OPCML: variants seen among roughly 807,000 people sequenced by gnomAD.
The protein encoded by OPCML is opioid binding protein/cell adhesion molecule like.
Under a neutral mutation model 37.8 loss-of-function variants are expected in OPCML, and 13 were observed. That is an observed-to-expected ratio of 0.34 (90% CI 0.22 to 0.55). OPCML has a LOEUF of 0.55. Among genes scored for constraint, OPCML ranks in the 20% least tolerant of loss-of-function variants. The probability of loss-of-function intolerance (pLI) is 0.91; values close to 1 mark genes in which losing one functional copy is unlikely to be tolerated. For missense variants in OPCML, 341 were observed against 435.6 expected, an observed-to-expected ratio of 0.78 and a Z score of 1.93; for synonymous variants, 176 against 168.8, an observed-to-expected ratio of 1.04 and a Z score of -0.33.
At chr11:133,096,671 TAA>T (rs2137063234) in intron 1 of OPCML, among the ~76,000 whole-genome samples, 1 of 151,938 alleles carries the variant, frequency 6.6e-6, no homozygotes, top group South Asian at 2.1e-4. Context: ...AGATAAAAAG[TAA>T]AGAGACAGAA....
chr11:132,995,816 A>G (rs1480010336), intron 1 of OPCML, among the ~76,000 whole-genome samples: 1 of 152,196 alleles, frequency 6.6e-6, no homozygotes, highest in Admixed American at 6.5e-5. Flanking sequence ...CAGAGAAAGT[A>G]TCAGCTCCAA....
intron 1 of OPCML, among the ~76,000 whole-genome samples, chr11:133,209,732 T>C (rs1939274117): frequency 6.6e-6 from 1 of 152,156 alleles, no homozygotes; most frequent in Admixed American, 6.5e-5. Flanking sequence ...GATGAATGAA[T>C]GAATAAACTA....
chr11:133,166,213 A>G (rs1251642650), intron 1 of OPCML, among the ~76,000 whole-genome samples: 1 of 152,212 alleles, frequency 6.6e-6, no homozygotes, highest in Non-Finnish European at 1.5e-5. Context: ...AGTTCAGTAG[A>G]AGAGTCAGTG....
intron 3 of OPCML, among the ~76,000 whole-genome samples, chr11:132,581,688 C>T (rs1489766139): frequency 6.6e-6 from 1 of 152,080 alleles, no homozygotes; most frequent in Non-Finnish European, 1.5e-5. Flanking sequence ...TTATGAATAA[C>T]CCTAACAGAC....
intron 1 of OPCML, among the ~76,000 whole-genome samples, chr11:132,988,380 G>T (rs138873388): frequency 3.9e-5 from 6 of 152,130 alleles, no homozygotes; most frequent in Admixed American, 1.3e-4. Flanking sequence ...AGCCCTATAT[G>T]CTTTTTCCAA....
chr11:132,625,061 AC>A (rs1939656686), intron 3 of OPCML, among the ~76,000 whole-genome samples: 1 of 152,128 alleles, frequency 6.6e-6, no homozygotes, highest in Non-Finnish European at 1.5e-5. Context: ...ATATGTTTAA[AC>A]CTACTTTTCT....
chr11:133,249,370 T>TC, intron 1 of OPCML, among the ~76,000 whole-genome samples: 1 of 152,106 alleles, frequency 6.6e-6, no homozygotes, highest in Non-Finnish European at 1.5e-5. Flanking sequence ...GAGTGAGAAC[T>TC]CACTCACTAA....
intron 1 of OPCML, chr11:133,008,518 C>A: frequency 2.5e-6 from 2 of 807,200 alleles, no homozygotes; most frequent in Non-Finnish European, 3.0e-6. Context: ...CAGGAATATT[C>A]GCTGTGGAAG....
chr11:132,750,448 G>A (rs1945792990), intron 2 of OPCML, among the ~76,000 whole-genome samples: 1 of 152,100 alleles, frequency 6.6e-6, no homozygotes, highest in South Asian at 2.1e-4. Flanking sequence ...AACCAAGGTG[G>A]CTGTCCATTC....
At chr11:133,390,870 C>T (rs990119603) in intron 1 of OPCML, among the ~76,000 whole-genome samples, 2 of 152,172 alleles carry the variant, frequency 1.3e-5, no homozygotes, top group African/African-American at 4.8e-5. Context: ...CTCCATTCCA[C>T]TCTGGCCAGG....
intron 1 of OPCML, among the ~76,000 whole-genome samples, chr11:133,456,068 T>C (rs896390543): frequency 2.6e-5 from 4 of 152,228 alleles, no homozygotes; most frequent in Non-Finnish European, 4.4e-5. Flanking sequence ...ACATTGTTTG[T>C]AACTCAGGCT....
At chr11:132,875,464 A>AT (rs564416726) in intron 2 of OPCML, among the ~76,000 whole-genome samples, 16,353 of 138,746 alleles carry the variant, frequency 0.12, 1,075 homozygotes, top group Non-Finnish European at 0.13. Context: ...TACCCATCTA[A>AT]TTTTTTTTTT....
chr11:133,450,315 A>G (rs889746790), intron 1 of OPCML, among the ~76,000 whole-genome samples: 2 of 151,692 alleles, frequency 1.3e-5, no homozygotes, highest in South Asian at 2.1e-4. Context: ...GTATTCTCCA[A>G]ATACTACAAC....
At chr11:132,799,650 A>G (rs1314440919) in intron 2 of OPCML, among the ~76,000 whole-genome samples, 1 of 152,076 alleles carries the variant, frequency 6.6e-6, no homozygotes, top group East Asian at 1.9e-4. Context: ...TGGCACCGAG[A>G]CATTAAGCGA....
At chr11:132,651,810 G>A (rs1941443988) in intron 3 of OPCML, among the ~76,000 whole-genome samples, 1 of 152,162 alleles carries the variant, frequency 6.6e-6, no homozygotes, top group Non-Finnish European at 1.5e-5. Context: ...AGCTTGCTGT[G>A]GAGCCTCCTA....
chr11:132,801,179 C>G (rs1473250036), intron 2 of OPCML, among the ~76,000 whole-genome samples: 3 of 152,142 alleles, frequency 2.0e-5, no homozygotes, highest in South Asian at 4.1e-4. Context: ...TGTAGGCATA[C>G]AGTTATTCAT....
chr11:132,690,129 A>T (rs960843191), intron 2 of OPCML, among the ~76,000 whole-genome samples: 1 of 152,062 alleles, frequency 6.6e-6, no homozygotes, highest in Admixed American at 6.5e-5. Flanking sequence ...CTTTTTTGGC[A>T]GCGTCTTACT....
chr11:132,989,563 C>G (rs1409395705), intron 1 of OPCML, among the ~76,000 whole-genome samples: 1 of 150,220 alleles, frequency 6.7e-6, no homozygotes, highest in African/African-American at 2.5e-5. Context: ...GGGGGAGGAC[C>G]ATGCGCTGGA....
At chr11:132,469,406 T>C (rs2096128660) in intron 4 of OPCML, among the ~76,000 whole-genome samples, 1 of 151,596 alleles carries the variant, frequency 6.6e-6, no homozygotes, top group East Asian at 1.9e-4. Flanking sequence ...TGTTTGTGTG[T>C]GGGGGTGCGT....
Sources: allele counts gnomAD v4.1 joint callset (sites outside exome capture counted in the v4.1 genomes callset), GRCh38; gene constraint gnomAD v4.1.1; transcripts MANE v1.5; gene names NCBI Gene and HGNC (gene_info 2026-07-23, HGNC 2026-07-21).